Variants in KASH5 observed in about 807,000 individuals in gnomAD.
KASH5 encodes the protein KASH domain containing 5, also known as protein KASH5.
In KASH5, 72 loss-of-function variants were observed where a neutral mutation model predicts 84.2. That is an observed-to-expected ratio of 0.85 (90% CI 0.71 to 1.04). The LOEUF is 1.04. Among genes scored for constraint, KASH5 ranks in the 50% least tolerant of loss-of-function variants. The pLI is 0.00. For synonymous variants in KASH5, 260 were observed against 279.1 expected (o/e 0.93, Z 0.68); for missense variants, 650 against 701.0 (o/e 0.93, Z 0.82).
intron 7 of KASH5, 99 bp downstream of exon 7, chr19:49,398,242 C>A: frequency 9.7e-7 from 1 of 1,034,124 alleles, no homozygotes; most frequent in Non-Finnish European, 1.4e-6. Context: ...GCATCCTGCT[C>A]TTTGACTCTG....
Position 49,399,082 on chromosome 19 carries a change from G to A in KASH5, c.687G>A (p.Lys229=), listed in dbSNP as rs770001169. ...KAMDEELEDL[K]TLARSLEEQN... ...TGGATGAGGAGCTGGAGGACCTGAA[G>A]ACTCTGGCCAGGAGCCTGGAGGAAC... The change falls in exon 8 of 20, where the codon AAG becomes AAA. Residue 229 remains lysine (K), a synonymous_variant. Coordinates refer to ENST00000447857, the MANE Select transcript of KASH5 (RefSeq NM_144688.5). The surrounding 1 kb of genome is among the most constrained non-coding windows in gnomAD (Gnocchi z 4.4). 1 of 1,551,744 alleles carries A rather than the reference G, an allele frequency of 6.4e-7. No homozygotes were observed.
Position 49,407,475 on chromosome 19 carries a change from G to A in KASH5, c.934-137G>A, listed in dbSNP as rs552252270. On this transcript the variant is annotated intron_variant, in intron 11 of 19. Coordinates refer to ENST00000447857, the MANE Select transcript of KASH5 (RefSeq NM_144688.5). Reference sequence around the variant, plus strand: ...CAGGGATCTAGAAGCCCTTCTGCCCGGTGCTCTCCCTTGTGCCCCAGCTCT... The same window carrying A: ...CAGGGATCTAGAAGCCCTTCTGCCCAGTGCTCTCCCTTGTGCCCCAGCTCT... 113 of 1,111,858 alleles carry A rather than the reference G, an allele frequency of 1.0e-4. 1 individual carries two copies. Among genetic ancestry groups the A allele is most frequent in the South Asian group, 4.0e-4 (29 of 72,134 alleles). The allele number at this position is 1,111,858 out of a possible 1,614,324, so 68.9% of individuals were successfully genotyped here. A position where few individuals can be genotyped will look rare whatever the true frequency, so the allele number is the denominator to read the frequency against.
chr19:49,408,167 G>T, intron 12 of KASH5: 1 of 177,426 alleles, frequency 5.6e-6, no homozygotes, highest in Non-Finnish European at 1.2e-5. Flanking sequence ...ACCCCTCTTG[G>T]CCTCCCAAAG....
rs749458669 is a variant in KASH5, at chr19:49,406,873, T to C, written c.799-13T>C. ...TTGCTGGAATGAACGTGACCAGCCATTCCTTCTTCTAGAACGGGAAGCTGC... is the reference window on the plus strand; with the variant it reads ...TTGCTGGAATGAACGTGACCAGCCACTCCTTCTTCTAGAACGGGAAGCTGC... On this transcript the variant is annotated splice_polypyrimidine_tract_variant and intron_variant, in intron 9 of 19. Coordinates refer to ENST00000447857, the MANE Select transcript of KASH5 (RefSeq NM_144688.5). The C allele has an allele frequency of 1.2e-6, 2 of 1,600,562 alleles. No homozygotes were observed. The highest frequency in any genetic ancestry group is 1.7e-6 in the Non-Finnish European group (2 of 1,173,470).
At chr19:49,402,143 G>T (rs1974381065) in intron 9 of KASH5, among the ~76,000 whole-genome samples, 1 of 152,038 alleles carries the variant, frequency 6.6e-6, no homozygotes, top group African/African-American at 2.4e-5. Flanking sequence ...TCGGGAGGCT[G>T]AGGCAGGAGA....
intron 12 of KASH5, 132 bp downstream of exon 12, chr19:49,407,803 GA>G: frequency 1.2e-6 from 1 of 805,822 alleles, no homozygotes; most frequent in Non-Finnish European, 2.1e-6. Flanking sequence ...CTTGATGTAT[GA>G]CTGTATGACT....
rs746478612 is a variant in KASH5 at position 49,407,681 on chromosome 19, C to T, written c.993+10C>T. On this transcript the variant is annotated intron_variant, in intron 12 of 19. Transcript: ENST00000447857. ...CAGAGTGACGACGCAGGTAACTCAG[C>T]GGCCCTCGCCACCCACCGCGGCCCT... 20 of 1,597,082 alleles carry T rather than the reference C, an allele frequency of 1.3e-5. No homozygotes were observed. Among genetic ancestry groups the T allele is most frequent in the Admixed American group, 1.2e-4 (7 of 58,016 alleles).
chr19:49,397,903 C>T, intron 6 of KASH5, 79 bp from the exon 7 acceptor site: 1 of 1,530,322 alleles, frequency 6.5e-7, no homozygotes, highest in Non-Finnish European at 8.9e-7. Flanking sequence ...CACATCTCCC[C>T]ACCACCAGCA....
At chr19:49,407,581 C>G (rs1451093243) in intron 11 of KASH5, 31 bp from the exon 12 acceptor site, 1 of 1,564,210 alleles carries the variant, frequency 6.4e-7, no homozygotes, top group Admixed American at 1.9e-5. Flanking sequence ...GGGAACTGGT[C>G]CCAGTCTCAT....
At chr19:49,413,559 G>T (rs756175830) in intron 16 of KASH5, among the ~76,000 whole-genome samples, 10 of 152,174 alleles carry the variant, frequency 6.6e-5, no homozygotes, top group Non-Finnish European at 1.3e-4. Flanking sequence ...TAATGAGGCT[G>T]CCTGCCAAGG....
chr19:49,407,774 A>T, intron 12 of KASH5, 103 bp downstream of exon 12: 1 of 1,118,618 alleles, frequency 8.9e-7, no homozygotes. Context: ...GTCAGTGGCC[A>T]CATCTTGCTT....
rs1417313741 is a variant in KASH5 at position 49,417,031 on chromosome 19, C to T, written c.1391C>T (p.Pro464Leu). ...ESQVTADLPV[P>L]LGAPRPGDIP... ...TCCTTGCAGGCTGATCTCCCTGTCC[C>T]TCTAGGAGCCCCTCGCCCTGGAGAC... Residue 464 changes from proline (P) to leucine (L), a missense_variant, in exon 18 of 20, where the codon CCT (proline) becomes CTT (leucine). By Grantham distance (98) the Pro-to-Leu change is moderately conservative. Coordinates refer to ENST00000447857, the MANE Select transcript of KASH5 (RefSeq NM_144688.5). The surrounding 1 kb of genome is among the most constrained non-coding windows in gnomAD (Gnocchi z 5.2). 2.5e-6 allele frequency: 4 copies of T among 1,591,396 alleles called. No homozygotes were observed. Among genetic ancestry groups the T allele is most frequent in the African/African-American group, 1.3e-5 (1 of 74,350 alleles).
rs757580073 is a variant in KASH5 at position 49,407,657 on chromosome 19, A to T, written c.979A>T (p.Arg327Ter). ...ESLAQTLEEY[R>*]VTTQELRLEI... ...CCTGGCCCAGACCCTGGAAGAATAC[A>T]GAGTGACGACGCAGGTAACTCAGCG... The change falls in exon 12 of 20, where the codon AGA becomes TGA. Residue 327 changes from arginine (R) to a stop codon, truncating the protein, a stop_gained. Coordinates refer to ENST00000447857, the MANE Select transcript of KASH5 (RefSeq NM_144688.5). LOFTEE classifies it high-confidence loss of function. The T allele has an allele frequency of 6.2e-7, 1 of 1,604,900 alleles. No individual in the cohort carries two copies. Among genetic ancestry groups the T allele is most frequent in the Non-Finnish European group, 8.5e-7 (1 of 1,175,762 alleles).
In KASH5 at chr19:49,412,835, C is replaced by A. The variant is rs1974764329; in HGVS notation, c.1270-133C>A. 7.9e-6 allele frequency: 6 copies of A among 759,044 alleles called. No homozygotes were observed. Among genetic ancestry groups the A allele is most frequent in the Non-Finnish European group, 1.3e-5 (6 of 454,590 alleles). The allele number at this position is 759,044 out of a possible 1,614,324, so 47.0% of individuals were successfully genotyped here. ...GGCAGGTTGTAGAAGGTGGTGAATTCATGTGTAGGTTGCAGCCTGGAAGAC... is the reference window on the plus strand; with the variant it reads ...GGCAGGTTGTAGAAGGTGGTGAATTAATGTGTAGGTTGCAGCCTGGAAGAC... On this transcript the variant is annotated intron_variant, in intron 15 of 19. Transcript: ENST00000447857. The surrounding 1 kb of genome is among the most constrained non-coding windows in gnomAD (Gnocchi z 4.6).
chr19:49,409,189 T>G lies in KASH5; in HGVS notation c.1059-7T>G, dbSNP rs1430053624. On this transcript the variant is annotated splice_polypyrimidine_tract_variant and splice_region_variant and intron_variant, in intron 13 of 19. Transcript: ENST00000447857. ...GCCATCTTCCTCCCTCCTTCCTGTG[T>G]GGCCAGGCTACCTGAAGGGGCCCAG... The G allele has an allele frequency of 6.2e-7, 1 of 1,612,622 alleles. No individual in the cohort carries two copies. Among genetic ancestry groups the G allele is most frequent in the African/African-American group, 1.3e-5 (1 of 75,026 alleles).
intron 9 of KASH5, among the ~76,000 whole-genome samples, chr19:49,403,752 T>C (rs1019521643): frequency 6.6e-6 from 1 of 152,316 alleles, no homozygotes; most frequent in African/African-American, 2.4e-5. Flanking sequence ...GTCTCATCTC[T>C]ACCTCCTCCC....
intron 10 of KASH5, 37 bp downstream of exon 10, chr19:49,407,000 A>G: frequency 6.5e-7 from 1 of 1,544,858 alleles, no homozygotes; most frequent in Non-Finnish European, 8.8e-7. Context: ...ACTTTCCACC[A>G]CCCCGGGGCC....
rs202070364 is a variant in KASH5, at chr19:49,406,922, A to G, written c.835A>G (p.Lys279Glu). The G allele has an allele frequency of 3.7e-6, 6 of 1,604,974 alleles. No individual in the cohort carries two copies. In the African/African-American group the frequency reaches 6.7e-5, roughly 18 times the overall value. The change falls in exon 10 of 20, where the codon AAG (lysine) becomes GAG (glutamate). Residue 279 changes from lysine to glutamate, a missense_variant. By Grantham distance (56) the Lys-to-Glu change is moderately conservative. Coordinates refer to ENST00000447857, the MANE Select transcript of KASH5 (RefSeq NM_144688.5). ...KLLAERDGVK[K>E]RSQELAMEKD... ...GCTTGCCGAGCGGGATGGAGTGAAA[A>G]AGAGAAGTCAGGAGCTGGCCATGGA...
chr19:49,415,355 G>A, intron 17 of KASH5: 1 of 358,984 alleles, frequency 2.8e-6, no homozygotes, highest in Non-Finnish European at 5.3e-6. Flanking sequence ...GCCCTCCCCA[G>A]CCAGCCTCAG....
Sources: allele counts gnomAD v4.1 joint callset (sites outside exome capture counted in the v4.1 genomes callset), GRCh38; gene constraint gnomAD v4.1.1; non-coding constraint Gnocchi (gnomAD v3.1); transcripts MANE v1.5; gene names NCBI Gene and HGNC (gene_info 2026-07-23, HGNC 2026-07-21).